The following PHF21B variants were observed in gnomAD, a reference collection of about 807,000 sequenced individuals.
The protein encoded by PHF21B is PHD finger protein 21B.
Under a neutral mutation model 62.2 loss-of-function variants are expected in PHF21B, and 22 were observed. The observed-to-expected ratio is 0.35, with a 90% confidence interval of 0.25 to 0.51. The LOEUF is 0.51. PHF21B is among the 20% of genes least tolerant of loss of function. PHF21B has a pLI of 0.97. For missense variants in PHF21B, 701 were observed against 707.9 expected (o/e 0.99, Z 0.11); for synonymous variants, 341 against 314.7 (o/e 1.08, Z -0.88).
intron 5 of PHF21B, among the ~76,000 whole-genome samples, chr22:44,910,119 T>A (rs1181485675): frequency 2.0e-5 from 3 of 152,186 alleles, no homozygotes; most frequent in South Asian, 2.1e-4. Context: ...ACAACAGGTT[T>A]CCTTTGGTAA....
chr22:44,941,807 GCTGGGGGGGC>G (rs1304159452), intron 2 of PHF21B, among the ~76,000 whole-genome samples: 3 of 152,188 alleles, frequency 2.0e-5, no homozygotes, highest in African/African-American at 7.2e-5. Flanking sequence ...AGGGGCACAG[GCTGGGGGGGC>G]CACCTGCCAT....
chr22:44,963,827 T>C (rs922022122), intron 2 of PHF21B, among the ~76,000 whole-genome samples: 5 of 152,242 alleles, frequency 3.3e-5, no homozygotes. Flanking sequence ...TCTCTCTCCA[T>C]GTGGGGGACC....
At chr22:44,949,804 T>C (rs2072156896) in intron 2 of PHF21B, among the ~76,000 whole-genome samples, 1 of 152,226 alleles carries the variant, frequency 6.6e-6, no homozygotes, top group Non-Finnish European at 1.5e-5. Context: ...TTGCTGTGGC[T>C]GATCATTTCA....
intron 2 of PHF21B, among the ~76,000 whole-genome samples, chr22:44,943,264 C>A (rs1370202045): frequency 6.6e-5 from 10 of 152,174 alleles, no homozygotes; most frequent in Admixed American, 6.5e-4. Context: ...GTGCCTGTCC[C>A]CCAGTAGCAC....
At chr22:44,929,047 C>T (rs1357744305) in intron 2 of PHF21B, among the ~76,000 whole-genome samples, 2 of 152,262 alleles carry the variant, frequency 1.3e-5, no homozygotes, top group Non-Finnish European at 2.9e-5. Flanking sequence ...GGCCCAGCCG[C>T]CACGCGCACA....
chr22:44,961,831 C>T (rs1419022285), intron 2 of PHF21B, among the ~76,000 whole-genome samples: 3 of 149,448 alleles, frequency 2.0e-5, no homozygotes, highest in African/African-American at 7.5e-5. Flanking sequence ...GGTGACAGAG[C>T]GAGACTCTGT....
At position 44,883,116 on chromosome 22, in the gene PHF21B, G is replaced by A. The variant is rs1209827183; in HGVS notation, c.1566C>T (p.Pro522=). 1.2e-6 allele frequency: 2 copies of A among 1,612,144 alleles called. No homozygotes were observed. The highest frequency in any genetic ancestry group is 1.3e-5 in the African/African-American group (1 of 74,908). ...WTKPSVAATH[P]TVQHPQGHN ...TGTGGCCCTGGGGGTGCTGGACGGT[G>A]GGGTGTGTGGCTGCCACTGAGGGCT... Residue 522 remains proline, a synonymous_variant, in exon 13 of 13, where the codon CCC becomes CCT. Coordinates refer to ENST00000313237, the MANE Select transcript of PHF21B (RefSeq NM_138415.5).
intron 2 of PHF21B, among the ~76,000 whole-genome samples, chr22:44,980,873 C>T (rs999433180): frequency 4.6e-5 from 7 of 152,162 alleles, no homozygotes; most frequent in African/African-American, 1.7e-4. Context: ...CCAGCACTGC[C>T]GCCCAGAGTC....
At chr22:44,927,839 T>G (rs1316000692) in intron 2 of PHF21B, among the ~76,000 whole-genome samples, 3 of 152,110 alleles carry the variant, frequency 2.0e-5, no homozygotes, top group African/African-American at 7.2e-5. Flanking sequence ...CGCACTTACT[T>G]CAAGATCAAT....
At chr22:44,890,238 A>G (rs1415471551) in intron 8 of PHF21B, among the ~76,000 whole-genome samples, 1 of 152,170 alleles carries the variant, frequency 6.6e-6, no homozygotes, top group East Asian at 1.9e-4. Flanking sequence ...AGTGGCAGTG[A>G]GCTGCCCGGG....
At chr22:44,978,797 C>T (rs988064207) in intron 2 of PHF21B, among the ~76,000 whole-genome samples, 6 of 152,240 alleles carry the variant, frequency 3.9e-5, no homozygotes, top group African/African-American at 1.4e-4. Flanking sequence ...TCCTGGCTCC[C>T]ATAGGCGAAG....
chr22:44,927,067 G>A (rs1216587020), intron 2 of PHF21B, among the ~76,000 whole-genome samples: 1 of 152,096 alleles, frequency 6.6e-6, no homozygotes, highest in Non-Finnish European at 1.5e-5. Context: ...GGAATTCACA[G>A]CCGGGGACAG....
chr22:44,979,654 C>T (rs2072801378), intron 2 of PHF21B, among the ~76,000 whole-genome samples: 1 of 152,234 alleles, frequency 6.6e-6, no homozygotes, highest in Non-Finnish European at 1.5e-5. Flanking sequence ...GACTTGGTGT[C>T]CATGACTATC....
intron 2 of PHF21B, among the ~76,000 whole-genome samples, chr22:44,952,235 T>C (rs2072208479): frequency 1.3e-5 from 2 of 151,956 alleles, no homozygotes; most frequent in South Asian, 4.1e-4. Context: ...CCCAGCTACT[T>C]TGGAGGCTGA....
At chr22:44,925,732 G>C (rs907821549) in intron 2 of PHF21B, among the ~76,000 whole-genome samples, 1 of 152,194 alleles carries the variant, frequency 6.6e-6, no homozygotes, top group African/African-American at 2.4e-5. Context: ...GCCACCTGAT[G>C]CCCGCCTCCC....
intron 6 of PHF21B, 21 bp downstream of exon 6, chr22:44,896,011 G>A: frequency 6.2e-7 from 1 of 1,614,090 alleles, no homozygotes; most frequent in Non-Finnish European, 8.5e-7. Context: ...CCAACCTGCT[G>A]CTACCTGGAT....
Position 44,948,919 on chromosome 22 carries a change from C to T in PHF21B, c.121-28429G>A, listed in dbSNP as rs143739335. ...TTCTAGCACAGACAAAGGTGATTCG[C>T]GTGGCTTATCCACAAATGGGTCACA... On this transcript the variant is annotated intron_variant, in intron 2 of 12. Coordinates refer to ENST00000313237, the MANE Select transcript of PHF21B (RefSeq NM_138415.5). Among the ~76,000 whole-genome samples the T allele has an allele frequency of 2.1e-3, 313 of 152,328 alleles. 3 individuals are homozygous for T. The highest frequency in any genetic ancestry group is 6.8e-3 in the South Asian group (33 of 4,820).
chr22:44,887,885 C>T, intron 10 of PHF21B, 78 bp downstream of exon 10: 3 of 1,313,808 alleles, frequency 2.3e-6, no homozygotes, highest in Non-Finnish European at 2.9e-6. Flanking sequence ...TTTTTTCACC[C>T]CTCCTCTGCC....
At chr22:45,006,125 G>C (rs1335752781) in intron 2 of PHF21B, among the ~76,000 whole-genome samples, 1 of 152,150 alleles carries the variant, frequency 6.6e-6, no homozygotes, top group Non-Finnish European at 1.5e-5. Context: ...GCCTGGGAAA[G>C]ACAAGGCGGC....
Sources: gnomAD v4.1 joint callset for allele counts (sites outside exome capture counted in the v4.1 genomes callset) on GRCh38, gnomAD v4.1.1 for gene constraint, MANE v1.5 for transcripts, NCBI Gene and HGNC (gene_info 2026-07-23, HGNC 2026-07-21) for gene names.